MTR: variants seen among roughly 807,000 people sequenced by gnomAD.
The protein encoded by MTR is 5-methyltetrahydrofolate-homocysteine methyltransferase, also known as methionine synthase.
MTR carries 84 observed loss-of-function variants against 154.8 expected under a neutral mutation model. The observed-to-expected ratio is 0.54, with a 90% CI of 0.45 to 0.65. The LOEUF (loss-of-function observed/expected upper bound fraction) is 0.65, where lower values mean the gene tolerates loss of function less well. Among genes scored for constraint, MTR ranks in the 30% least tolerant of loss-of-function variants. The pLI is 0.00. For synonymous variants in MTR, 554 were observed against 553.9 expected, an observed-to-expected ratio of 1.00 and a Z score of 0.00; for missense variants, 1,275 against 1,570.2, an observed-to-expected ratio of 0.81 and a Z score of 3.18.
chr1:236,880,658 A>G, intron 24 of MTR, 97 bp from the exon 25 acceptor site: 1 of 970,222 alleles, frequency 1.0e-6, no homozygotes, highest in South Asian at 1.3e-5. Flanking sequence ...TCTGGAAAGC[A>G]CTGTAGAAAT....
rs1320534388 is a variant in MTR at position 236,835,555 on chromosome 1, G to A, written c.1197G>A (p.Leu399=). 2 of 1,611,892 alleles carry A rather than the reference G, an allele frequency of 1.2e-6. No individual in the cohort carries two copies. The highest frequency in any genetic ancestry group is 1.1e-5 in the South Asian group (1 of 90,890). ...LIMAGNYEEA[L]CVAKVQVEMG... ...TCTCATTCTTCCTTCAGGAAGCCTT[G>A]TGTGTTGCCAAAGTGCAGGTGGAAA... is the stretch of plus-strand genomic sequence containing the variant. The change falls in exon 14 of 33, where the codon TTG becomes TTA. Residue 399 remains leucine (L), a synonymous_variant. Coordinates refer to ENST00000366577, the MANE Select transcript of MTR (RefSeq NM_000254.3).
In MTR at chr1:236,850,439, C is replaced by T. The variant is rs772660394; in HGVS notation, c.1611C>T (p.Asp537=). The T allele has an allele frequency of 6.2e-7, 1 of 1,613,592 alleles. No homozygotes were observed. Among genetic ancestry groups the T allele is most frequent in the East Asian group, 2.2e-5 (1 of 44,848 alleles). ...TTAATCCAAATGACATTATTTTTGA[C>T]CCTAATATCCTAACCATTGGGACTG... ...LGFNPNDIIF[D]PNILTIGTGM... The change falls in exon 16 of 33, where the codon GAC becomes GAT. Residue 537 remains aspartate, a synonymous_variant. Coordinates refer to ENST00000366577, the MANE Select transcript of MTR (RefSeq NM_000254.3).
At chr1:236,882,702 A>AGAGCAG (rs1665813612) in intron 25 of MTR, among the ~76,000 whole-genome samples, 1 of 152,090 alleles carries the variant, frequency 6.6e-6, no homozygotes, top group Non-Finnish European at 1.5e-5. Flanking sequence ...CTCCTTCACC[A>AGAGCAG]TCTTGAAGAG....
At chr1:236,853,972 T>G (rs1373105951) in intron 18 of MTR, among the ~76,000 whole-genome samples, 1 of 152,212 alleles carries the variant, frequency 6.6e-6, no homozygotes. Flanking sequence ...TTAATCTGTT[T>G]AAGAGAATGA....
chr1:236,893,671 T>G (rs1666459776), intron 29 of MTR, among the ~76,000 whole-genome samples: 1 of 152,224 alleles, frequency 6.6e-6, no homozygotes, highest in Non-Finnish European at 1.5e-5. Context: ...GTATAAGACT[T>G]TATTTGTTAC....
chr1:236,868,631 T>G (rs1424596318), intron 22 of MTR, among the ~76,000 whole-genome samples: 1 of 152,218 alleles, frequency 6.6e-6, no homozygotes, highest in Non-Finnish European at 1.5e-5. Context: ...TAATGCACAG[T>G]GTTTAATTAT....
At chr1:236,833,973 C>G (rs1662763070) in intron 13 of MTR, among the ~76,000 whole-genome samples, 1 of 152,156 alleles carries the variant, frequency 6.6e-6, no homozygotes, top group Non-Finnish European at 1.5e-5. Context: ...AGACCTTTCC[C>G]TTTCCTGGAT....
intron 2 of MTR, among the ~76,000 whole-genome samples, chr1:236,804,775 C>T (rs996415565): frequency 2.6e-5 from 4 of 152,020 alleles, no homozygotes; most frequent in Non-Finnish European, 5.9e-5. Context: ...TGGTGTGTGT[C>T]GTCCCAGATT....
At chr1:236,839,422 T>C (rs1663101947) in intron 15 of MTR, among the ~76,000 whole-genome samples, 1 of 152,154 alleles carries the variant, frequency 6.6e-6, no homozygotes, top group African/African-American at 2.4e-5. Context: ...TATGAGAAGA[T>C]ACTAAGTTTT....
intron 7 of MTR, 33 bp from the exon 8 acceptor site, chr1:236,816,416 G>T (rs1488950738): frequency 3.2e-6 from 5 of 1,564,488 alleles, no homozygotes; most frequent in Non-Finnish European, 4.4e-6. Context: ...ACTTGAGTCT[G>T]TATTGTTGAC....
intron 29 of MTR, among the ~76,000 whole-genome samples, chr1:236,893,879 T>C (rs1666471475): frequency 6.6e-6 from 1 of 152,160 alleles, no homozygotes; most frequent in Non-Finnish European, 1.5e-5. Context: ...GGCCTGGGCA[T>C]CGCTGACCCC....
chr1:236,822,076 G>A (rs1228027749), intron 8 of MTR, among the ~76,000 whole-genome samples: 2 of 152,046 alleles, frequency 1.3e-5, no homozygotes, highest in South Asian at 2.1e-4. Context: ...GAATCAGTTC[G>A]TTGATATTCA....
chr1:236,849,799 T>A (rs915039563), intron 15 of MTR, among the ~76,000 whole-genome samples: 1 of 152,132 alleles, frequency 6.6e-6, no homozygotes, highest in Non-Finnish European at 1.5e-5. Context: ...GTTAGGCCAG[T>A]GTTAAAATGG....
rs1212560424 is a variant in MTR, at chr1:236,900,135, ATAG to A, written c.*2493_*2495del. The A allele has an allele frequency of 2.5e-5, 10 of 399,538 alleles. No individual in the cohort carries two copies. In the Admixed American group the frequency reaches 3.0e-4, roughly 12 times the overall value. The allele number at this position is 399,538 out of a possible 1,614,324, so 24.7% of individuals were successfully genotyped here. On this transcript the variant is annotated 3_prime_UTR_variant, in exon 33 of 33. Transcript: ENST00000366577. ...GAATGTTCATAGTTACATATTTATAATAGTTAATAACTGGAAAAAGTGAAATGT... is the reference window on the plus strand; with the variant it reads ...GAATGTTCATAGTTACATATTTATAATTAATAACTGGAAAAAGTGAAATGT...
chr1:236,891,526 C>T (rs1666326842), intron 29 of MTR, among the ~76,000 whole-genome samples, 197 bp downstream of exon 29: 1 of 152,124 alleles, frequency 6.6e-6, no homozygotes. Flanking sequence ...CCATGGGTGT[C>T]AGAGGCAGGA....
At chr1:236,869,791 C>G (rs1428283022) in intron 22 of MTR, among the ~76,000 whole-genome samples, 2 of 152,124 alleles carry the variant, frequency 1.3e-5, no homozygotes, top group Non-Finnish European at 2.9e-5. Flanking sequence ...TCTCCGACTT[C>G]ACATACCCTG....
At chr1:236,861,027 G>A in intron 19 of MTR, 98 bp from the exon 20 acceptor site, 4 of 1,045,700 alleles carry the variant, frequency 3.8e-6, no homozygotes, top group Non-Finnish European at 5.5e-6. Context: ...GTGCTGTTAG[G>A]CATTTTCATG....
rs143257679 is a variant in MTR at position 236,833,336 on chromosome 1, G to A, written c.1188+1258G>A. Among the ~76,000 whole-genome samples, 372 of 152,334 alleles carry A rather than the reference G, an allele frequency of 2.4e-3. 2 individuals carry two copies. Among genetic ancestry groups the A allele is most frequent in the African/African-American group, 7.9e-3 (330 of 41,566 alleles). On this transcript the variant is annotated intron_variant, in intron 13 of 32. Transcript: ENST00000366577. The stretch of plus-strand genomic sequence containing the variant: ...TTTAGGAAGAAGCAAACAGGTGGAA[G>A]TAATAATATCTATCATTTAATAAGG...
intron 29 of MTR, among the ~76,000 whole-genome samples, 187 bp downstream of exon 29, chr1:236,891,516 C>T (rs572316560): frequency 6.6e-6 from 1 of 152,236 alleles, no homozygotes; most frequent in East Asian, 1.9e-4. Flanking sequence ...GAAGGCGCCA[C>T]CATGGGTGTC....
Sources: allele counts gnomAD v4.1 joint callset (sites outside exome capture counted in the v4.1 genomes callset), GRCh38; gene constraint gnomAD v4.1.1; transcripts MANE v1.5; gene names NCBI Gene and HGNC (gene_info 2026-07-23, HGNC 2026-07-21).